CCDC150: variants seen among roughly 807,000 people sequenced by gnomAD.
CCDC150 encodes the protein coiled-coil domain containing 150, also known as coiled-coil domain-containing protein 150.
CCDC150 carries 151 observed loss-of-function variants against 156.5 expected under a neutral mutation model. That is an observed-to-expected ratio of 0.97 (90% CI 0.85 to 1.10). The LOEUF (loss-of-function observed/expected upper bound fraction) is 1.10. CCDC150 is among the 50% of genes least tolerant of loss of function. The probability of loss-of-function intolerance (pLI) is 0.00; values close to 1 mark genes in which losing one functional copy is unlikely to be tolerated. For missense variants in CCDC150, 1,312 were observed against 1,268.1 expected (o/e 1.03, Z -0.53); for synonymous variants, 452 against 429.4 (o/e 1.05, Z -0.65).
At chr2:196,713,336 T>C in intron 17 of CCDC150, 2 of 1,443,718 alleles carry the variant, frequency 1.4e-6, no homozygotes, top group South Asian at 3.2e-5. Context: ...CTGATTTTAT[T>C]GTTTTTATTA....
At chr2:196,717,922 G>A (rs942070859) in intron 17 of CCDC150, among the ~76,000 whole-genome samples, 18 of 151,950 alleles carry the variant, frequency 1.2e-4, no homozygotes, top group African/African-American at 3.4e-4. Context: ...AGGGTACATC[G>A]GACTCTGCAC....
At chr2:196,688,355 T>C (rs1695238011) in intron 13 of CCDC150, among the ~76,000 whole-genome samples, 1 of 152,190 alleles carries the variant, frequency 6.6e-6, no homozygotes, top group Admixed American at 6.5e-5. Flanking sequence ...ATTCTTTTTG[T>C]GGCAACTGTG....
At chr2:196,661,286 A>AT (rs1693543780) in intron 5 of CCDC150, among the ~76,000 whole-genome samples, 1 of 152,210 alleles carries the variant, frequency 6.6e-6, no homozygotes, top group South Asian at 2.1e-4. Context: ...ATAAACAGAA[A>AT]TTTATTTGTT....
intron 7 of CCDC150, among the ~76,000 whole-genome samples, chr2:196,668,123 C>T (rs1296094509): frequency 6.6e-6 from 1 of 151,912 alleles, no homozygotes; most frequent in Admixed American, 6.6e-5. Context: ...ACGGTGAAAC[C>T]CCATCTCTAC....
intron 17 of CCDC150, among the ~76,000 whole-genome samples, chr2:196,714,030 T>G (rs756059685): frequency 6.6e-6 from 1 of 152,180 alleles, no homozygotes; most frequent in Non-Finnish European, 1.5e-5. Flanking sequence ...AATTTAACAT[T>G]GGAAAATATT....
intron 6 of CCDC150, among the ~76,000 whole-genome samples, 173 bp from the exon 7 acceptor site, chr2:196,666,546 G>A (rs192171146): frequency 6.6e-6 from 1 of 152,156 alleles, no homozygotes; most frequent in East Asian, 1.9e-4. Context: ...GGTTCTATTG[G>A]ATGGCACTGC....
intron 10 of CCDC150, among the ~76,000 whole-genome samples, chr2:196,675,534 G>T (rs1362249719): frequency 6.6e-6 from 1 of 152,148 alleles, no homozygotes; most frequent in East Asian, 1.9e-4. Flanking sequence ...TATGGATTAT[G>T]TGTAGGGGTA....
rs1385323465 is a variant in CCDC150 at position 196,713,431 on chromosome 2, A to G, written c.1866+692A>G. Reference sequence around the variant, plus strand: ...CCCCCGAAATCTCTAGGTCCCATGTAAACAGTATAAAGGAAAGAACGTCAT... The same window carrying G: ...CCCCCGAAATCTCTAGGTCCCATGTGAACAGTATAAAGGAAAGAACGTCAT... On this transcript the variant is annotated intron_variant, in intron 17 of 27. Transcript: ENST00000389175. The G allele has an allele frequency of 4.5e-6, 7 of 1,550,122 alleles. No individual in the cohort carries two copies. The East Asian group carries it at 1.7e-4, about 38-fold the overall frequency.
In CCDC150 at chr2:196,666,196, A is replaced by C. The variant is rs182145056; in HGVS notation, c.762+513A>C. 5.0e-3 allele frequency among the ~76,000 whole-genome samples: 767 copies of C among 152,288 alleles called. 4 individuals carry two copies. The highest frequency in any genetic ancestry group is 0.024 in the Middle Eastern group (7 of 294). On this transcript the variant is annotated intron_variant, in intron 6 of 27. Transcript: ENST00000389175. Reference sequence around the variant, plus strand: ...TTTTAACATGATATTTTGCCTTCATATTTGTTATTTGAAGTACCTACAAAT... The same window carrying C: ...TTTTAACATGATATTTTGCCTTCATCTTTGTTATTTGAAGTACCTACAAAT...
In CCDC150 at chr2:196,729,849, G is replaced by C. The variant is rs780723357; in HGVS notation, c.2808G>C (p.Lys936Asn). Residue 936 changes from lysine (K) to asparagine (N), a missense_variant, in exon 24 of 28, where the codon AAG (lysine) becomes AAC (asparagine). Physicochemically the swap from Lys to Asn is moderately conservative, Grantham distance 94 (BLOSUM62 0). Coordinates refer to ENST00000389175, the MANE Select transcript of CCDC150 (RefSeq NM_001080539.2). The part of the protein sequence containing the change: ...MELIKDQYQK[K>N]NYEQSLSIQR... ...TAATTAAGGATCAATATCAGAAAAAGAACTATGAACAGGTAGATGATTTCC... is the reference window on the plus strand; with the variant it reads ...TAATTAAGGATCAATATCAGAAAAACAACTATGAACAGGTAGATGATTTCC... The C allele has an allele frequency of 3.1e-6, 5 of 1,601,468 alleles. No individual in the cohort carries two copies. The South Asian group carries it at 4.5e-5, about 14-fold the overall frequency.
At chr2:196,659,795 AC>A (rs1204884380) in intron 5 of CCDC150, among the ~76,000 whole-genome samples, 4 of 152,174 alleles carry the variant, frequency 2.6e-5, no homozygotes, top group African/African-American at 9.7e-5. Flanking sequence ...TTAGTATGAT[AC>A]TTTTGTAACA....
rs573642981 is a variant in CCDC150 at position 196,708,598 on chromosome 2, G to A, written c.1696-3547G>A. 1.1e-4 allele frequency among the ~76,000 whole-genome samples: 16 copies of A among 152,214 alleles called. No individual in the cohort carries two copies. In the East Asian group the frequency reaches 3.1e-3, roughly 29 times the overall value. ...CATTAGTTGATGCAGTTTCTTCATAGCATCAGTGATCTTTGCAATTTGGCA... is the reference window on the plus strand; with the variant it reads ...CATTAGTTGATGCAGTTTCTTCATAACATCAGTGATCTTTGCAATTTGGCA... On this transcript the variant is annotated intron_variant, in intron 15 of 27. Coordinates refer to ENST00000389175, the MANE Select transcript of CCDC150 (RefSeq NM_001080539.2).
chr2:196,723,145 T>G (rs747255140), intron 21 of CCDC150, among the ~76,000 whole-genome samples: 1 of 152,184 alleles, frequency 6.6e-6, no homozygotes, highest in Non-Finnish European at 1.5e-5. Context: ...TTACTTAATT[T>G]AGACTTAGAA....
intron 21 of CCDC150, among the ~76,000 whole-genome samples, chr2:196,722,642 A>G (rs1456894599): frequency 2.6e-5 from 4 of 152,118 alleles, no homozygotes; most frequent in African/African-American, 4.8e-5. Context: ...TAAAGCAGAG[A>G]TGGTATTTTC....
At chr2:196,698,243 A>G (rs1019926370) in intron 14 of CCDC150, among the ~76,000 whole-genome samples, 5 of 152,166 alleles carry the variant, frequency 3.3e-5, no homozygotes, top group Non-Finnish European at 5.9e-5. Flanking sequence ...ACTTGGAACA[A>G]TTATTTTGTG....
intron 7 of CCDC150, among the ~76,000 whole-genome samples, chr2:196,669,239 A>G (rs578036734): frequency 6.6e-6 from 1 of 152,260 alleles, no homozygotes; most frequent in African/African-American, 2.4e-5. Context: ...ACACATAGAA[A>G]ACTTGTGTTT....
chr2:196,731,027 C>A, intron 26 of CCDC150, 82 bp downstream of exon 26: 1 of 970,776 alleles, frequency 1.0e-6, no homozygotes, highest in Non-Finnish European at 1.5e-6. Context: ...AATGTGAAAT[C>A]CTTCATTAAC....
At chr2:196,722,178 C>G (rs954010220) in intron 21 of CCDC150, among the ~76,000 whole-genome samples, 1 of 152,164 alleles carries the variant, frequency 6.6e-6, no homozygotes, top group South Asian at 2.1e-4. Context: ...AAAGTTTTGC[C>G]TTAAATTATA....
Position 196,676,188 on chromosome 2 carries a change from T to C in CCDC150, c.1183T>C (p.Leu395=). 1.2e-6 allele frequency: 2 copies of C among 1,613,672 alleles called. No homozygotes were observed. The highest frequency in any genetic ancestry group is 1.7e-6 in the Non-Finnish European group (2 of 1,179,628). The change falls in exon 11 of 28, where the codon TTG becomes CTG. Residue 395 remains leucine, a synonymous_variant. Transcript: ENST00000389175. ...GCAGACATTTCAAGAACAAAACTTATTGCTGGATGCAGCCCATGCCAGTAT... is the reference window on the plus strand; with the variant it reads ...GCAGACATTTCAAGAACAAAACTTACTGCTGGATGCAGCCCATGCCAGTAT... ...MTQTFQEQNL[L]LDAAHASITN... is the part of the protein sequence containing the mutation.
Sources: gnomAD v4.1 joint callset for allele counts (sites outside exome capture counted in the v4.1 genomes callset) on GRCh38, gnomAD v4.1.1 for gene constraint, MANE v1.5 for transcripts, NCBI Gene and HGNC (gene_info 2026-07-23, HGNC 2026-07-21) for gene names.